TSPAN18: variants seen among roughly 807,000 people sequenced by gnomAD.
TSPAN18 encodes the protein tetraspanin-18.
Under a neutral mutation model 27.3 loss-of-function variants are expected in TSPAN18, and 14 were observed. That is an observed-to-expected ratio of 0.51 (90% confidence interval 0.34 to 0.80). The LOEUF is 0.80. Ranked by LOEUF, TSPAN18 falls within the 30% of genes least tolerant of loss-of-function variation. TSPAN18 has a pLI of 0.01. For missense variants in TSPAN18, 268 were observed against 323.9 expected (o/e 0.83, Z 1.32); for synonymous variants, 143 against 136.5 (o/e 1.05, Z -0.33).
At chr11:44,790,855 A>C (rs1292550236) in intron 2 of TSPAN18, among the ~76,000 whole-genome samples, 1 of 152,168 alleles carries the variant, frequency 6.6e-6, no homozygotes, top group African/African-American at 2.4e-5. Flanking sequence ...CAGGAGGACA[A>C]ATCATAGCCA....
intron 2 of TSPAN18, among the ~76,000 whole-genome samples, chr11:44,803,604 G>A (rs1372151077): frequency 6.6e-6 from 1 of 152,170 alleles, no homozygotes; most frequent in East Asian, 1.9e-4. Context: ...TCTACTGCAA[G>A]GATCCAAGGA....
chr11:44,774,905 T>G (rs1855768829), intron 2 of TSPAN18, among the ~76,000 whole-genome samples: 3 of 152,224 alleles, frequency 2.0e-5, no homozygotes, highest in Admixed American at 6.5e-5. Context: ...GACCAGAGCC[T>G]CCTTCGTTTC....
chr11:44,757,130 A>C (rs1855350241), intron 1 of TSPAN18, among the ~76,000 whole-genome samples: 1 of 152,214 alleles, frequency 6.6e-6, no homozygotes, highest in Admixed American at 6.5e-5. Flanking sequence ...TTGCTGGATC[A>C]CATGGTAATT....
chr11:44,840,216 G>C (rs1857345649), intron 2 of TSPAN18, among the ~76,000 whole-genome samples: 1 of 152,216 alleles, frequency 6.6e-6, no homozygotes, highest in Non-Finnish European at 1.5e-5. Context: ...CACTTAAGGA[G>C]ACTGTTTGGC....
chr11:44,920,909 T>C (rs985364141), intron 8 of TSPAN18, among the ~76,000 whole-genome samples: 1 of 152,220 alleles, frequency 6.6e-6, no homozygotes, highest in Admixed American at 6.5e-5. Context: ...ATGGTCATGA[T>C]TGCTGCGAAG....
At chr11:44,803,486 T>C (rs1011290570) in intron 2 of TSPAN18, among the ~76,000 whole-genome samples, 1 of 152,194 alleles carries the variant, frequency 6.6e-6, no homozygotes, top group African/African-American at 2.4e-5. Flanking sequence ...GATTTAATTG[T>C]TCTGTCATTA....
chr11:44,799,589 T>A (rs1375712382), intron 2 of TSPAN18, among the ~76,000 whole-genome samples: 1 of 152,172 alleles, frequency 6.6e-6, no homozygotes, highest in Non-Finnish European at 1.5e-5. Flanking sequence ...CTCCCAGGCC[T>A]ATTGCGTGGG....
chr11:44,735,742 G>A (rs1455644970), intron 1 of TSPAN18, among the ~76,000 whole-genome samples: 2 of 151,674 alleles, frequency 1.3e-5, no homozygotes, highest in African/African-American at 2.4e-5. Context: ...TCAGCCTCCC[G>A]AGTAGTTGGG....
rs140208952 is a variant in TSPAN18 at position 44,899,674 on chromosome 11, C to T, written c.-10-6733C>T. Among the ~76,000 whole-genome samples the T allele has an allele frequency of 4.5e-3, 692 of 152,328 alleles. 8 individuals are homozygous for T. The highest frequency in any genetic ancestry group is 7.0e-3 in the Admixed American group (107 of 15,306). On this transcript the variant is annotated intron_variant, in intron 3 of 9. Transcript: ENST00000520358. Reference sequence around the variant, plus strand: ...TGTACCTCTATGATACCATTTCATGCTCAGCACAATTTCTAGAGGAAGTCA... The same window carrying T: ...TGTACCTCTATGATACCATTTCATGTTCAGCACAATTTCTAGAGGAAGTCA...
At chr11:44,849,053 G>A (rs1857543335) in intron 2 of TSPAN18, among the ~76,000 whole-genome samples, 1 of 152,210 alleles carries the variant, frequency 6.6e-6, no homozygotes, top group Admixed American at 6.5e-5. Flanking sequence ...TCTTAGCTGG[G>A]TTGTTGGTTT....
intron 2 of TSPAN18, among the ~76,000 whole-genome samples, chr11:44,839,853 C>T (rs980213631): frequency 5.9e-5 from 9 of 152,212 alleles, no homozygotes; most frequent in South Asian, 2.1e-4. Context: ...CTTGTTGATT[C>T]CCCGGTGCTC....
chr11:44,831,569 G>A (rs536136402), intron 2 of TSPAN18, among the ~76,000 whole-genome samples: 1 of 152,166 alleles, frequency 6.6e-6, no homozygotes, highest in Non-Finnish European at 1.5e-5. Context: ...ACCACTCCTA[G>A]GTCCTACTGG....
intron 2 of TSPAN18, among the ~76,000 whole-genome samples, chr11:44,814,478 T>G (rs1856780981): frequency 6.6e-6 from 1 of 152,176 alleles, no homozygotes; most frequent in Non-Finnish European, 1.5e-5. Flanking sequence ...TTGAAAAGCA[T>G]TGACTAGTCC....
chr11:44,881,081 T>C (rs1454943182), intron 3 of TSPAN18, among the ~76,000 whole-genome samples: 1 of 152,254 alleles, frequency 6.6e-6, no homozygotes, highest in Non-Finnish European at 1.5e-5. Flanking sequence ...ATCTCAGCTC[T>C]GCCACTTTCT....
chr11:44,854,749 T>C (rs1192393824), intron 2 of TSPAN18, among the ~76,000 whole-genome samples: 1 of 152,194 alleles, frequency 6.6e-6, no homozygotes, highest in African/African-American at 2.4e-5. Context: ...GATCCTACCG[T>C]TGCTGTGTGA....
At chr11:44,865,922 A>T (rs537625882) in intron 3 of TSPAN18, among the ~76,000 whole-genome samples, 3 of 152,312 alleles carry the variant, frequency 2.0e-5, no homozygotes, top group African/African-American at 7.2e-5. Flanking sequence ...AGTCCTGGGG[A>T]TGGGAGTGGC....
intron 1 of TSPAN18, among the ~76,000 whole-genome samples, chr11:44,754,049 G>C (rs968002407): frequency 6.6e-6 from 1 of 152,192 alleles, no homozygotes; most frequent in African/African-American, 2.4e-5. Context: ...GGACAAGTGT[G>C]ACTTGAAGGA....
At chr11:44,796,487 T>G (rs1856352700) in intron 2 of TSPAN18, among the ~76,000 whole-genome samples, 1 of 152,148 alleles carries the variant, frequency 6.6e-6, no homozygotes, top group Non-Finnish European at 1.5e-5. Context: ...TCATGGGGAC[T>G]GGTGGAGTCA....
chr11:44,902,204 A>C (rs1309545510), intron 3 of TSPAN18, among the ~76,000 whole-genome samples: 1 of 152,238 alleles, frequency 6.6e-6, no homozygotes, highest in African/African-American at 2.4e-5. Context: ...TGCTCTGTGC[A>C]GGTACAGCGG....
Sources: allele counts gnomAD v4.1 joint callset (sites outside exome capture counted in the v4.1 genomes callset), GRCh38; gene constraint gnomAD v4.1.1; transcripts MANE v1.5; gene names NCBI Gene and HGNC (gene_info 2026-07-23, HGNC 2026-07-21).